ANO10: variants seen among roughly 807,000 people sequenced by gnomAD.
The protein encoded by ANO10 is anoctamin-10.
In ANO10, 77 loss-of-function variants were observed where a neutral mutation model predicts 74.7. The observed-to-expected ratio is 1.03, with a 90% confidence interval of 0.86 to 1.25. The LOEUF (loss-of-function observed/expected upper bound fraction) is 1.25. Ranked by LOEUF, ANO10 falls within the 50% of genes most tolerant of loss-of-function variation. The pLI is 0.00. For missense variants in ANO10, 721 were observed against 778.1 expected, an observed-to-expected ratio of 0.93 and a Z score of 0.87; for synonymous variants, 279 against 284.9, an observed-to-expected ratio of 0.98 and a Z score of 0.21.
intron 1 of ANO10, among the ~76,000 whole-genome samples, chr3:43,667,136 G>A (rs113622365): frequency 0.024 from 3,131 of 130,118 alleles, 71 homozygotes; most frequent in African/African-American, 0.061. Context: ...TGTCACCCAG[G>A]CTGGAGTGCA....
intron 1 of ANO10, among the ~76,000 whole-genome samples, chr3:43,629,884 T>A (rs2149558315): frequency 6.6e-6 from 1 of 152,306 alleles, no homozygotes; most frequent in East Asian, 1.9e-4. Context: ...GATAAGAATT[T>A]GCAAGTTATC....
At chr3:43,560,650 A>T (rs2079986036) in intron 9 of ANO10, among the ~76,000 whole-genome samples, 1 of 152,264 alleles carries the variant, frequency 6.6e-6, no homozygotes, top group Non-Finnish European at 1.5e-5. Flanking sequence ...CTGAACACAT[A>T]GATTTTATGA....
chr3:43,633,000 G>A (rs755737156), intron 1 of ANO10, among the ~76,000 whole-genome samples: 6 of 152,038 alleles, frequency 3.9e-5, no homozygotes, highest in Non-Finnish European at 5.9e-5. Flanking sequence ...CAGGTATTTC[G>A]CATCACGTTT....
intron 1 of ANO10, among the ~76,000 whole-genome samples, chr3:43,607,360 C>A (rs1017182210): frequency 4.2e-5 from 6 of 144,054 alleles, no homozygotes; most frequent in Admixed American, 7.0e-5. Context: ...AACAAACAAA[C>A]AAAAAAAAAA....
intron 12 of ANO10, among the ~76,000 whole-genome samples, chr3:43,374,284 CTGTG>C (rs768692022): frequency 8.5e-5 from 13 of 152,272 alleles, no homozygotes; most frequent in Non-Finnish European, 1.5e-4. Context: ...GTTATATTAC[CTGTG>C]TGTAATTTAA....
chr3:43,524,180 C>T (rs938650753), intron 11 of ANO10, among the ~76,000 whole-genome samples: 3 of 152,120 alleles, frequency 2.0e-5, no homozygotes, highest in African/African-American at 7.2e-5. Flanking sequence ...CAGGAACAGG[C>T]TTAAGGAGGA....
chr3:43,650,223 T>C (rs748262991), intron 1 of ANO10, among the ~76,000 whole-genome samples: 6 of 152,138 alleles, frequency 3.9e-5, no homozygotes, highest in Non-Finnish European at 8.8e-5. Flanking sequence ...GGGGATAGAA[T>C]TGGGAAGATG....
intron 11 of ANO10, among the ~76,000 whole-genome samples, chr3:43,546,192 T>C (rs563700340): frequency 8.5e-5 from 13 of 152,314 alleles, no homozygotes; most frequent in Non-Finnish European, 1.3e-4. Context: ...TCTGTGCCAA[T>C]ATAATCCAAC....
chr3:43,578,188 C>T (rs1185858546), intron 5 of ANO10, among the ~76,000 whole-genome samples: 1 of 152,168 alleles, frequency 6.6e-6, no homozygotes, highest in African/African-American at 2.4e-5. Flanking sequence ...ATTCTTCCCC[C>T]TAACCCAAGA....
chr3:43,494,426 C>A (rs370580776), intron 11 of ANO10, among the ~76,000 whole-genome samples: 131 of 152,076 alleles, frequency 8.6e-4, no homozygotes, highest in African/African-American at 3.1e-3. Context: ...GCACTCTAGC[C>A]TGGGCAACAA....
Position 43,577,274 on chromosome 3 carries a change from CAAAG to C in ANO10, c.593-17_593-14del. On this transcript the variant is annotated splice_polypyrimidine_tract_variant and intron_variant, in intron 5 of 12. Transcript: ENST00000292246. ...CCACGAATACTGTCTATAGTGGAAA[CAAAG>C]AAAGAACATAAGTATAGACTACCAA... 3.1e-6 allele frequency: 5 copies of C among 1,610,482 alleles called. No individual in the cohort carries two copies. The highest frequency in any genetic ancestry group is 1.7e-4 in the Middle Eastern group (1 of 6,058).
At chr3:43,557,791 C>T (rs927295445) in intron 9 of ANO10, among the ~76,000 whole-genome samples, 4 of 147,072 alleles carry the variant, frequency 2.7e-5, no homozygotes, top group Non-Finnish European at 6.0e-5. Flanking sequence ...CTAGTTGATG[C>T]TTTGATGCTT....
At chr3:43,539,938 AGACC>A (rs1290946929) in intron 11 of ANO10, among the ~76,000 whole-genome samples, 4 of 152,216 alleles carry the variant, frequency 2.6e-5, no homozygotes, top group Non-Finnish European at 5.9e-5. Flanking sequence ...ACCCACTGTA[AGACC>A]TTAAAAAATT....
chr3:43,493,296 G>A (rs1057339268), intron 11 of ANO10, among the ~76,000 whole-genome samples: 9 of 152,028 alleles, frequency 5.9e-5, no homozygotes, highest in African/African-American at 2.2e-4. Context: ...GCTAGGGGAG[G>A]GAAACCATTA....
At chr3:43,680,787 TA>T (rs201518251) in intron 1 of ANO10, among the ~76,000 whole-genome samples, 16,111 of 151,434 alleles carry the variant, frequency 0.11, 1,213 homozygotes, top group South Asian at 0.23. Flanking sequence ...TCAACATTCT[TA>T]AAAGAATTTT....
intron 11 of ANO10, among the ~76,000 whole-genome samples, chr3:43,457,156 T>G (rs1037350888): frequency 6.6e-6 from 1 of 152,212 alleles, no homozygotes; most frequent in Non-Finnish European, 1.5e-5. Context: ...TAAAAAAGAC[T>G]CCTTTGGTAT....
At chr3:43,506,842 A>G (rs980262762) in intron 11 of ANO10, among the ~76,000 whole-genome samples, 1 of 151,978 alleles carries the variant, frequency 6.6e-6, no homozygotes, top group Non-Finnish European at 1.5e-5. Context: ...GGTACTTCCT[A>G]TCTCCCTTCC....
chr3:43,404,675 A>G (rs2092542778), intron 12 of ANO10, among the ~76,000 whole-genome samples: 1 of 152,110 alleles, frequency 6.6e-6, no homozygotes, highest in South Asian at 2.1e-4. Flanking sequence ...TGAGCCCAGG[A>G]GTTTGAGACC....
upstream of ANO10, among the ~76,000 whole-genome samples, chr3:43,623,846 C>G (rs572801828): frequency 2.0e-5 from 3 of 152,168 alleles, no homozygotes; most frequent in Non-Finnish European, 4.4e-5. Flanking sequence ...TTCAGAAGTT[C>G]TCTCTTTCTT....
Sources: gnomAD v4.1 joint callset for allele counts (sites outside exome capture counted in the v4.1 genomes callset) on GRCh38, gnomAD v4.1.1 for gene constraint, MANE v1.5 for transcripts, NCBI Gene and HGNC (gene_info 2026-07-23, HGNC 2026-07-21) for gene names.